The following PNPLA2 variants were observed in gnomAD, a reference collection of about 807,000 sequenced individuals.
PNPLA2 encodes patatin-like phospholipase domain-containing protein 2.
Under a neutral mutation model 39.7 loss-of-function variants are expected in PNPLA2, and 28 were observed. The observed-to-expected ratio is 0.70, with a 90% CI of 0.52 to 0.97. The LOEUF is 0.97. PNPLA2 is among the 50% of genes least tolerant of loss of function. The pLI is 0.00. For synonymous variants in PNPLA2, 392 were observed against 321.1 expected (o/e 1.22, Z -2.36); for missense variants, 768 against 698.2 (o/e 1.10, Z -1.13).
chr11:824,432 T>G lies in PNPLA2; in HGVS notation c.1171T>G (p.Ser391Ala), dbSNP rs1845799704. 6.4e-7 allele frequency: 1 copy of G among 1,554,484 alleles called. No individual in the cohort carries two copies. The highest frequency in any genetic ancestry group is 1.4e-5 in the African/African-American group (1 of 73,352). The part of the protein sequence containing the change: ...AKRKLGRHLP[S>A]RLPEQVELRR... ...GAGGAAGCTGGGCAGGCACCTGCCC[T>G]CCAGGTGAGCCGCCGACCGCGCGTC... Residue 391 changes from serine (S) to alanine (A), a missense_variant, in exon 9 of 10, where the codon TCC (serine) becomes GCC (alanine). By Grantham distance (99) the Ser-to-Ala change is moderately conservative. Coordinates refer to ENST00000336615, the MANE Select transcript of PNPLA2 (RefSeq NM_020376.4).
At chr11:822,359 G>A (rs143354488) in intron 4 of PNPLA2, 38 bp from the exon 5 acceptor site, 4 of 1,578,122 alleles carry the variant, frequency 2.5e-6, no homozygotes, top group African/African-American at 2.7e-5. Context: ...GCAGCCACAG[G>A]CCCTCACATA....
rs2133847508 is a variant in PNPLA2 at position 821,995 on chromosome 11, G to T, written c.458G>T (p.Gly153Val). 6.2e-7 allele frequency: 1 copy of T among 1,613,798 alleles called. No homozygotes were observed. The highest frequency in any genetic ancestry group is 1.1e-5 in the South Asian group (1 of 91,078). Residue 153 changes from glycine (G) to valine (V), a missense_variant, in exon 4 of 10, where the codon GGG becomes GTG. Physicochemically the swap from Gly to Val is moderately radical, Grantham distance 109. Coordinates refer to ENST00000336615, the MANE Select transcript of PNPLA2 (RefSeq NM_020376.4). ...VCSGFIPVYC[G>V]LIPPSLQGVR... ...AGCGGTTTCATCCCCGTGTACTGTG[G>T]GCTCATCCCTCCCTCCCTCCAGGGG... is the stretch of plus-strand genomic sequence containing the variant.
In PNPLA2 at chr11:823,741, C is replaced by A; in HGVS notation, c.805C>A (p.Pro269Thr). 1 of 1,607,552 alleles carries A rather than the reference C, an allele frequency of 6.2e-7. No homozygotes were observed. The highest frequency in any genetic ancestry group is 8.5e-7 in the Non-Finnish European group (1 of 1,177,332). ...NPLLALPPAR[P>T]HGPEDKDQAV... ...CTTGCTGGCGTTGCCCCCCGCCCGC[C>A]CCCACGGCCCAGAGGACAAGGACCA... is the stretch of plus-strand genomic sequence containing the variant. Residue 269 changes from proline (P) to threonine (T), a missense_variant, in exon 7 of 10, where the codon CCC becomes ACC. By Grantham distance (38) the Pro-to-Thr change is conservative. Coordinates refer to ENST00000336615, the MANE Select transcript of PNPLA2 (RefSeq NM_020376.4).
Position 824,621 on chromosome 11 carries a change from A to G in PNPLA2, c.1274A>G (p.Asn425Ser), listed in dbSNP as rs746768792. ...GAGGCACTGCCCGGCTGGATGCGCA[A>G]CAACCTCTCGCTGGGGGACGCGCTG... ...YREALPGWMRNNLSLGDALAK... is the reference protein window; with the variant it reads ...YREALPGWMRSNLSLGDALAK... The change falls in exon 10 of 10, where the codon AAC becomes AGC. Residue 425 changes from asparagine (N) to serine (S), a missense_variant. By Grantham distance (46) the Asn-to-Ser change is conservative. Transcript: ENST00000336615. 3 of 1,595,574 alleles carry G rather than the reference A, an allele frequency of 1.9e-6. No homozygotes were observed. Among genetic ancestry groups the G allele is most frequent in the South Asian group, 1.1e-5 (1 of 89,502 alleles).
chr11:819,955 G>C, intron 2 of PNPLA2, 50 bp downstream of exon 2: 2 of 1,267,694 alleles, frequency 1.6e-6, no homozygotes, highest in Non-Finnish European at 2.0e-6. Flanking sequence ...AAGGCCGTGC[G>C]GGGCCGGGGG....
At chr11:820,043 C>T (rs1234106079) in intron 2 of PNPLA2, 138 bp downstream of exon 2, 6 of 594,840 alleles carry the variant, frequency 1.0e-5, no homozygotes, top group Non-Finnish European at 1.3e-5. Flanking sequence ...GCCTGGGGAA[C>T]CCGGCGAGGA....
At chr11:824,211 TG>T in intron 8 of PNPLA2, 81 bp downstream of exon 8, 1 of 1,544,660 alleles carries the variant, frequency 6.5e-7, no homozygotes, top group East Asian at 2.4e-5. Flanking sequence ...CCAGGGAAGG[TG>T]GGGTGGGGTG....
At position 824,331 on chromosome 11, in the gene PNPLA2, C is replaced by T. The variant is rs1449100213; in HGVS notation, c.1070C>T (p.Pro357Leu). The T allele has an allele frequency of 1.3e-6, 2 of 1,551,082 alleles. No homozygotes were observed. The highest frequency in any genetic ancestry group is 2.4e-5 in the East Asian group (1 of 41,108). Reference sequence around the variant, plus strand: ...GTCCCCAGCTTGCTGGAGTGGCTGCCCGACGTTCCCGAGGACATCCGGTGG... The same window carrying T: ...GTCCCCAGCTTGCTGGAGTGGCTGCTCGACGTTCCCGAGGACATCCGGTGG... ...SFTIRLLEWL[P>L]DVPEDIRWMK... The change falls in exon 9 of 10, where the codon CCC becomes CTC. Residue 357 changes from proline (P) to leucine (L), a missense_variant. Physicochemically the swap from Pro to Leu is moderately conservative, Grantham distance 98. Transcript: ENST00000336615.
At chr11:819,930 C>T in intron 2 of PNPLA2, 25 bp downstream of exon 2, 2 of 1,272,156 alleles carry the variant, frequency 1.6e-6, no homozygotes, top group South Asian at 2.0e-5. Flanking sequence ...GGGCGGCAGG[C>T]GGGGGGCTGG....
At chr11:823,505 C>T in intron 5 of PNPLA2, 22 bp from the exon 6 acceptor site, 1 of 1,598,446 alleles carries the variant, frequency 6.3e-7, no homozygotes, top group Non-Finnish European at 8.5e-7. Flanking sequence ...CCCTCCGCTC[C>T]ATTTAACCCT....
At chr11:820,356 C>T (rs1354742803) in intron 2 of PNPLA2, among the ~76,000 whole-genome samples, 4 of 152,196 alleles carry the variant, frequency 2.6e-5, no homozygotes, top group African/African-American at 9.7e-5. Flanking sequence ...CGTCTGGGAA[C>T]CGTGACCTGG....
At position 823,805 on chromosome 11, in the gene PNPLA2, T is replaced by A. The variant is rs948279438; in HGVS notation, c.869T>A (p.Leu290Gln). 1.9e-6 allele frequency: 3 copies of A among 1,598,678 alleles called. No individual in the cohort carries two copies. Among genetic ancestry groups the A allele is most frequent in the African/African-American group, 1.3e-5 (1 of 74,242 alleles). The change falls in exon 7 of 10, where the codon CTG becomes CAG. Residue 290 changes from leucine to glutamine, a missense_variant. Coordinates refer to ENST00000336615, the MANE Select transcript of PNPLA2 (RefSeq NM_020376.4). ...GCCCAAGCGGAGGATTACTCGCAGC[T>A]GCCCGGAGAAGATCACATCCTGGAG... ...ESAQAEDYSQ[L>Q]PGEDHILEHL...
chr11:823,730 C>A lies in PNPLA2; in HGVS notation c.794C>A (p.Pro265His). ...LNRPNPLLAL[P>H]PARPHGPEDK... ...CGGCCCAACCCCTTGCTGGCGTTGC[C>A]CCCCGCCCGCCCCCACGGCCCAGAG... The change falls in exon 7 of 10, where the codon CCC (proline) becomes CAC (histidine). Residue 265 changes from proline to histidine, a missense_variant. Physicochemically the swap from Pro to His is moderately conservative, Grantham distance 77 (BLOSUM62 -2). Coordinates refer to ENST00000336615, the MANE Select transcript of PNPLA2 (RefSeq NM_020376.4). 1.2e-6 allele frequency: 2 copies of A among 1,604,724 alleles called. No individual in the cohort carries two copies. Among genetic ancestry groups the A allele is most frequent in the Non-Finnish European group, 1.7e-6 (2 of 1,175,252 alleles).
In PNPLA2 at chr11:824,763, G is replaced by A. The variant is rs763539309; in HGVS notation, c.1416G>A (p.Ala472=). The A allele has an allele frequency of 4.5e-6, 7 of 1,555,250 alleles. No homozygotes were observed. In the East Asian group the frequency reaches 7.1e-5, roughly 16 times the overall value. Reference sequence around the variant, plus strand: ...CCGCCGACCCGGCTCCCGCCCCCGCGGACCCAGCATCCCCGCAGCACCAGC... The same window carrying A: ...CCGCCGACCCGGCTCCCGCCCCCGCAGACCCAGCATCCCCGCAGCACCAGC... ...RAPADPAPAP[A]DPASPQHQLA... The change falls in exon 10 of 10, where the codon GCG becomes GCA. Residue 472 remains alanine (A), a synonymous_variant. Coordinates refer to ENST00000336615, the MANE Select transcript of PNPLA2 (RefSeq NM_020376.4).
intron 4 of PNPLA2, 116 bp from the exon 5 acceptor site, chr11:822,281 C>A: frequency 2.0e-6 from 2 of 990,112 alleles, no homozygotes; most frequent in Non-Finnish European, 3.2e-6. Flanking sequence ...GGGTAAAACG[C>A]TCAAATGAGG....
Position 824,743 on chromosome 11 carries a change from G to T in PNPLA2, c.1396G>T (p.Asp466Tyr), listed in dbSNP as rs1166778655. The T allele has an allele frequency of 6.3e-7, 1 of 1,575,590 alleles. No individual in the cohort carries two copies. The highest frequency in any genetic ancestry group is 1.1e-5 in the South Asian group (1 of 88,104). ...AGCTCTGCGCATGCGCGCACCCGCC[G>T]ACCCGGCTCCCGCCCCCGCGGACCC... ...PEALRMRAPADPAPAPADPAS... is the reference protein window; with the variant it reads ...PEALRMRAPAYPAPAPADPAS... Residue 466 changes from aspartate to tyrosine, a missense_variant, in exon 10 of 10, where the codon GAC becomes TAC. Physicochemically the swap from Asp to Tyr is radical, Grantham distance 160. Coordinates refer to ENST00000336615, the MANE Select transcript of PNPLA2 (RefSeq NM_020376.4).
Position 823,774 on chromosome 11 carries a change from G to A in PNPLA2, c.838G>A (p.Glu280Lys), listed in dbSNP as rs1410555866. Residue 280 changes from glutamate (E) to lysine (K), a missense_variant, in exon 7 of 10, where the codon GAG becomes AAG. Coordinates refer to ENST00000336615, the MANE Select transcript of PNPLA2 (RefSeq NM_020376.4). ...CCCAGAGGACAAGGACCAGGCAGTG[G>A]AGAGCGCCCAAGCGGAGGATTACTC... The part of the protein sequence containing the change: ...HGPEDKDQAV[E>K]SAQAEDYSQL... 1.2e-6 allele frequency: 2 copies of A among 1,608,942 alleles called. No homozygotes were observed. Among genetic ancestry groups the A allele is most frequent in the South Asian group, 1.1e-5 (1 of 90,560 alleles).
Position 823,835 on chromosome 11 carries a change from TGCCCGCCCG to T in PNPLA2, c.902_910del (p.Pro301_Arg303del). The T allele has an allele frequency of 3.1e-6, 5 of 1,590,064 alleles. No individual in the cohort carries two copies. Among genetic ancestry groups the T allele is most frequent in the Middle Eastern group, 1.7e-4 (1 of 6,030 alleles). The stretch of plus-strand genomic sequence containing the variant: ...GGAGAAGATCACATCCTGGAGCACC[TGCCCGCCCG>T]GCTCAATGAGGGTGCGCACCTGGGG... On this transcript the variant is annotated inframe_deletion, in exon 7 of 10. Transcript: ENST00000336615.
chr11:819,756 C>T lies in PNPLA2; in HGVS notation c.38C>T (p.Ala13Val). The T allele has an allele frequency of 1.3e-6, 2 of 1,510,198 alleles. No homozygotes were observed. Among genetic ancestry groups the T allele is most frequent in the Non-Finnish European group, 1.8e-6 (2 of 1,129,704 alleles). 93.5% of individuals were successfully genotyped at this position (1,510,198 alleles called of 1,614,324 possible). The change falls in exon 2 of 10, where the codon GCG (alanine) becomes GTG (valine). Residue 13 changes from alanine (A) to valine (V), a missense_variant. Physicochemically the swap from Ala to Val is moderately conservative, Grantham distance 64. Coordinates refer to ENST00000336615, the MANE Select transcript of PNPLA2 (RefSeq NM_020376.4). Reference protein sequence around the residue: ...PREKTWNISFAGCGFLGVYYV... With the variant: ...PREKTWNISFVGCGFLGVYYV... ...GAGAAGACGTGGAACATCTCGTTCG[C>T]GGGCTGCGGCTTCCTCGGCGTCTAC...
Sources: gnomAD v4.1 joint callset for allele counts (sites outside exome capture counted in the v4.1 genomes callset) on GRCh38, gnomAD v4.1.1 for gene constraint, MANE v1.5 for transcripts, NCBI Gene and HGNC (gene_info 2026-07-23, HGNC 2026-07-21) for gene names.